The following CTNNA3 variants were observed in gnomAD, a reference collection of about 807,000 sequenced individuals.
CTNNA3 encodes the protein catenin alpha-3.
CTNNA3 carries 76 observed loss-of-function variants against 95.7 expected under a neutral mutation model. That is an observed-to-expected ratio of 0.79 (90% CI 0.66 to 0.96). CTNNA3 has a LOEUF of 0.96. CTNNA3 is among the 40% of genes least tolerant of loss of function. CTNNA3 has a pLI of 0.00. For synonymous variants in CTNNA3, 431 were observed against 374.4 expected, an observed-to-expected ratio of 1.15 and a Z score of -1.74; for missense variants, 1,191 against 1,089.8, an observed-to-expected ratio of 1.09 and a Z score of -1.31.
At chr10:66,986,488 C>A (rs890208563) in intron 7 of CTNNA3, among the ~76,000 whole-genome samples, 24 of 122,920 alleles carry the variant, frequency 2.0e-4, no homozygotes, top group African/African-American at 5.9e-4. Context: ...CAGAGCAAGA[C>A]TCCATCTTGC....
chr10:66,150,997 T>C (rs1489987380), intron 13 of CTNNA3, among the ~76,000 whole-genome samples: 3 of 152,032 alleles, frequency 2.0e-5, no homozygotes, highest in Non-Finnish European at 4.4e-5. Context: ...ATTTATATAT[T>C]TGCATTTCTC....
intron 9 of CTNNA3, among the ~76,000 whole-genome samples, chr10:66,674,497 T>G (rs988073107): frequency 1.3e-5 from 2 of 152,006 alleles, no homozygotes; most frequent in Admixed American, 1.3e-4. Flanking sequence ...CACATAGAGA[T>G]AATGTGCAAT....
intron 5 of CTNNA3, among the ~76,000 whole-genome samples, chr10:67,517,999 G>A (rs566468532): frequency 4.9e-4 from 74 of 152,132 alleles, no homozygotes; most frequent in Non-Finnish European, 8.8e-4. Context: ...ACACATGTCA[G>A]GTGCAATGTT....
intron 12 of CTNNA3, among the ~76,000 whole-genome samples, chr10:66,293,212 A>C (rs1193141552): frequency 6.6e-6 from 1 of 152,196 alleles, no homozygotes; most frequent in African/African-American, 2.4e-5. Flanking sequence ...TAAAACAAGA[A>C]CATAACAAAC....
At position 66,248,689 on chromosome 10, in the gene CTNNA3, G is replaced by A. The variant is rs2090436007; in HGVS notation, c.1884+31781C>T. On this transcript the variant is annotated intron_variant, in intron 13 of 17. Coordinates refer to ENST00000433211, the MANE Select transcript of CTNNA3 (RefSeq NM_013266.4). ...TGATAAAGAGGTCAATTCAGCAAGAGGATATAGCAATTGTAAGTTTATATG... is the reference window on the plus strand; with the variant it reads ...TGATAAAGAGGTCAATTCAGCAAGAAGATATAGCAATTGTAAGTTTATATG... Among the ~76,000 whole-genome samples the A allele has an allele frequency of 2.0e-5, 3 of 152,084 alleles. No individual in the cohort carries two copies. The South Asian group carries it at 6.2e-4, about 32-fold the overall frequency.
rs893261756 is a variant in CTNNA3 at position 66,629,427 on chromosome 10, G to A, written c.1282-7643C>T. On this transcript the variant is annotated intron_variant, in intron 9 of 17. Transcript: ENST00000433211. The stretch of plus-strand genomic sequence containing the variant: ...ATTAGGTTGGTGCAAAAGTGATTGT[G>A]GTTTTTGCAATGGCAGAAACTGCAA... Among the ~76,000 whole-genome samples, 5 of 151,998 alleles carry A rather than the reference G, an allele frequency of 3.3e-5. No homozygotes were observed. In the East Asian group the frequency reaches 5.8e-4, roughly 18 times the overall value.
intron 5 of CTNNA3, among the ~76,000 whole-genome samples, chr10:67,374,807 T>G (rs866185704): frequency 6.6e-5 from 10 of 152,112 alleles, no homozygotes; most frequent in Non-Finnish European, 1.2e-4. Flanking sequence ...AAGAGAAAAT[T>G]TGCTTGGCTT....
chr10:67,541,798 A>G (rs921383111), intron 3 of CTNNA3, among the ~76,000 whole-genome samples: 1 of 152,056 alleles, frequency 6.6e-6, no homozygotes, highest in African/African-American at 2.4e-5. Context: ...CTGCTATGAG[A>G]CTGTGAAAAG....
intron 9 of CTNNA3, among the ~76,000 whole-genome samples, chr10:66,646,082 C>T (rs939364214): frequency 6.6e-6 from 1 of 152,066 alleles, no homozygotes; most frequent in Non-Finnish European, 1.5e-5. Flanking sequence ...TTTCCAAAAA[C>T]TTGCCAGGAT....
intron 11 of CTNNA3, among the ~76,000 whole-genome samples, chr10:66,510,639 C>A (rs1840621848): frequency 6.6e-6 from 1 of 151,568 alleles, no homozygotes; most frequent in African/African-American, 2.4e-5. Context: ...ATTTTTCTGT[C>A]TATTGAGATA....
chr10:67,580,781 G>A (rs937221595), intron 3 of CTNNA3, among the ~76,000 whole-genome samples: 58 of 152,224 alleles, frequency 3.8e-4, no homozygotes, highest in African/African-American at 1.3e-3. Flanking sequence ...CACATCCCTT[G>A]TAAGTTGGAT....
chr10:66,610,672 T>C lies in CTNNA3; in HGVS notation c.1374+11020A>G, dbSNP rs552557991. 1.2e-4 allele frequency among the ~76,000 whole-genome samples: 18 copies of C among 152,248 alleles called. 1 individual carries two copies. The highest frequency in any genetic ancestry group is 3.6e-4 in the African/African-American group (15 of 41,550). On this transcript the variant is annotated intron_variant, in intron 10 of 17. Transcript: ENST00000433211. Reference sequence around the variant, plus strand: ...GAGAAAGGGGAATGCTCATACATTGTTGGTGGGAATATAAAGTCATACGGT... The same window carrying C: ...GAGAAAGGGGAATGCTCATACATTGCTGGTGGGAATATAAAGTCATACGGT...
intron 17 of CTNNA3, among the ~76,000 whole-genome samples, chr10:65,924,579 T>C (rs1026689248): frequency 3.3e-5 from 5 of 152,200 alleles, no homozygotes; most frequent in Non-Finnish European, 7.3e-5. Context: ...TTGATAATAT[T>C]TGGCAATATT....
At position 67,329,348 on chromosome 10, in the gene CTNNA3, G is replaced by A. The variant is rs1841686782; in HGVS notation, c.580-109478C>T. 5.9e-5 allele frequency among the ~76,000 whole-genome samples: 9 copies of A among 152,332 alleles called. No homozygotes were observed. The South Asian group carries it at 1.9e-3, about 32-fold the overall frequency. On this transcript the variant is annotated intron_variant, in intron 5 of 17. Transcript: ENST00000433211. ...ATGATGCCACTGCACTTTAGCCTGG[G>A]TGACAAAGTGAGACCCTGTCTCAAA... is the stretch of plus-strand genomic sequence containing the variant.
chr10:65,979,667 T>C (rs1482717932), intron 16 of CTNNA3, among the ~76,000 whole-genome samples: 3 of 152,080 alleles, frequency 2.0e-5, no homozygotes, highest in African/African-American at 7.2e-5. Flanking sequence ...TACATAGTTT[T>C]GTAACTATAC....
intron 7 of CTNNA3, among the ~76,000 whole-genome samples, chr10:66,941,788 CA>C (rs1414153721): frequency 1.3e-5 from 2 of 151,968 alleles, no homozygotes; most frequent in Non-Finnish European, 2.9e-5. Flanking sequence ...TCTTAGAAGA[CA>C]AAAGCAAAAA....
intron 1 of CTNNA3, among the ~76,000 whole-genome samples, chr10:67,678,511 C>G (rs935298395): frequency 1.3e-5 from 2 of 152,106 alleles, no homozygotes; most frequent in Non-Finnish European, 2.9e-5. Context: ...TTATTACCAA[C>G]AAAGAATGAT....
chr10:66,348,124 A>G (rs1047886308), intron 12 of CTNNA3, among the ~76,000 whole-genome samples: 1 of 152,114 alleles, frequency 6.6e-6, no homozygotes, highest in Non-Finnish European at 1.5e-5. Flanking sequence ...CAGATTCAGA[A>G]AGGAATCCTG....
At chr10:66,736,523 T>C (rs1304907011) in intron 9 of CTNNA3, among the ~76,000 whole-genome samples, 1 of 151,984 alleles carries the variant, frequency 6.6e-6, no homozygotes, top group African/African-American at 2.4e-5. Context: ...ATTCTTTCTA[T>C]CATTATAAAT....
Sources: gnomAD v4.1 joint callset for allele counts (sites outside exome capture counted in the v4.1 genomes callset) on GRCh38, gnomAD v4.1.1 for gene constraint, MANE v1.5 for transcripts, NCBI Gene and HGNC (gene_info 2026-07-23, HGNC 2026-07-21) for gene names.